TNNI3K: variants seen among roughly 807,000 people sequenced by gnomAD.
TNNI3K encodes TNNI3 interacting kinase.
A neutral mutation model predicts 114.5 loss-of-function variants in TNNI3K; 140 were observed. The observed-to-expected ratio is 1.22, with a 90% CI of 1.07 to 1.41. The LOEUF (loss-of-function observed/expected upper bound fraction) is 1.41. Ranked by LOEUF, TNNI3K falls within the 40% of genes most tolerant of loss-of-function variation. The pLI, the probability that TNNI3K is intolerant of heterozygous loss-of-function variation, is 0.00. For synonymous variants in TNNI3K, 347 were observed against 347.5 expected (o/e 1.00, Z 0.02); for missense variants, 1,125 against 1,007.6 (o/e 1.12, Z -1.58).
chr1:74,357,230 T>C (rs1243593318), intron 11 of TNNI3K, among the ~76,000 whole-genome samples: 1 of 152,130 alleles, frequency 6.6e-6, no homozygotes, highest in Non-Finnish European at 1.5e-5. Flanking sequence ...GATGTAAGAA[T>C]GGCCCCATCA....
intron 24 of TNNI3K, among the ~76,000 whole-genome samples, chr1:74,540,896 A>T (rs1189047407): frequency 6.6e-6 from 1 of 152,182 alleles, no homozygotes; most frequent in African/African-American, 2.4e-5. Flanking sequence ...GAATTAATAA[A>T]GCTCTTTGAA....
chr1:74,334,465 A>G lies in TNNI3K; in HGVS notation c.544-1546A>G, dbSNP rs149864783. ...AATTGCTATTTGAACCCTAACTGCT[A>G]TTTTAAGGATTCAGAGGCATCCTAA... is the stretch of plus-strand genomic sequence containing the variant. On this transcript the variant is annotated intron_variant, in intron 6 of 24. Coordinates refer to ENST00000326637, the MANE Select transcript of TNNI3K (RefSeq NM_015978.3). Among the ~76,000 whole-genome samples the G allele has an allele frequency of 2.3e-3, 348 of 152,276 alleles. 3 individuals are homozygous for G. The highest frequency in any genetic ancestry group is 0.016 in the East Asian group (82 of 5,176).
intron 5 of TNNI3K, among the ~76,000 whole-genome samples, chr1:74,275,196 C>T (rs45440197): frequency 1.3e-4 from 19 of 151,990 alleles, no homozygotes; most frequent in Non-Finnish European, 2.5e-4. Flanking sequence ...TACAAAAGAA[C>T]GAGATTTAAC....
In TNNI3K at chr1:74,463,789, G is replaced by T. The variant is rs555332048; in HGVS notation, c.2121+239G>T. 2.0e-5 allele frequency among the ~76,000 whole-genome samples: 3 copies of T among 152,268 alleles called. No individual in the cohort carries two copies. The South Asian group carries it at 6.2e-4, about 32-fold the overall frequency. On this transcript the variant is annotated intron_variant, in intron 21 of 24. Coordinates refer to ENST00000326637, the MANE Select transcript of TNNI3K (RefSeq NM_015978.3). ...ACTGATTAGTAAAAGAGAGACCAGG[G>T]TATGACAGATGACTCACAGTCTCAT... is the stretch of plus-strand genomic sequence containing the variant.
chr1:74,530,723 GT>G (rs34494942), intron 23 of TNNI3K, among the ~76,000 whole-genome samples: 76,427 of 142,054 alleles, frequency 0.54, 20,763 homozygotes, highest in East Asian at 0.72. Flanking sequence ...AACTCAAAAA[GT>G]TTTTTTTTTT....
chr1:74,295,234 A>G (rs1657912641), intron 5 of TNNI3K, among the ~76,000 whole-genome samples: 1 of 151,976 alleles, frequency 6.6e-6, no homozygotes, highest in Non-Finnish European at 1.5e-5. Context: ...TATAGTTTGT[A>G]TTATTGCAAT....
At chr1:74,531,959 G>T (rs982178090) in intron 23 of TNNI3K, among the ~76,000 whole-genome samples, 1 of 152,176 alleles carries the variant, frequency 6.6e-6, no homozygotes, top group African/African-American at 2.4e-5. Context: ...ATCATCCAGA[G>T]TACAGGTAGC....
intron 17 of TNNI3K, chr1:74,374,895 TACTAG>T (rs1325569501): frequency 2.0e-5 from 3 of 152,104 alleles, no homozygotes; most frequent in African/African-American, 7.2e-5. Context: ...TTTTACTTAA[TACTAG>T]AAGCTGTGTG....
chr1:74,342,199 T>A lies in TNNI3K; in HGVS notation c.683-643T>A, dbSNP rs138821460. On this transcript the variant is annotated intron_variant, in intron 7 of 24. Coordinates refer to ENST00000326637, the MANE Select transcript of TNNI3K (RefSeq NM_015978.3). Reference sequence around the variant, plus strand: ...CAGACGTGAGAAGAGGTTATAAGGCTGGGTGTTTCAACGAGAAGGACACAT... The same window carrying A: ...CAGACGTGAGAAGAGGTTATAAGGCAGGGTGTTTCAACGAGAAGGACACAT... Among the ~76,000 whole-genome samples the A allele has an allele frequency of 6.4e-4, 98 of 152,260 alleles. 3 individuals are homozygous for A. In the East Asian group the frequency reaches 0.017, roughly 27 times the overall value.
intron 23 of TNNI3K, among the ~76,000 whole-genome samples, chr1:74,497,127 C>T (rs1439520550): frequency 6.6e-6 from 1 of 152,102 alleles, no homozygotes; most frequent in African/African-American, 2.4e-5. Flanking sequence ...TTGAATATAA[C>T]TTATAAAATT....
chr1:74,387,371 A>G (rs1466647321), intron 17 of TNNI3K, among the ~76,000 whole-genome samples: 2 of 152,250 alleles, frequency 1.3e-5, no homozygotes, highest in Non-Finnish European at 2.9e-5. Context: ...GTGAAGTGCC[A>G]TGAAAATCGT....
Position 74,511,758 on chromosome 1 carries a change from C to T in TNNI3K, c.2351+19492C>T, listed in dbSNP as rs563482527. Among the ~76,000 whole-genome samples, 113 of 151,918 alleles carry T rather than the reference C, an allele frequency of 7.4e-4. 1 individual carries two copies. Among genetic ancestry groups the T allele is most frequent in the Non-Finnish European group, 2.2e-4 (15 of 68,020 alleles). On this transcript the variant is annotated intron_variant, in intron 23 of 24. Coordinates refer to ENST00000326637, the MANE Select transcript of TNNI3K (RefSeq NM_015978.3). ...TGAGCCTGAGAAGAGTCAAGGTAGG[C>T]TTCCCAAAAGCCATCCCGTTTCACT...
intron 21 of TNNI3K, among the ~76,000 whole-genome samples, chr1:74,479,377 A>T (rs917267951): frequency 3.9e-5 from 6 of 152,250 alleles, no homozygotes; most frequent in Non-Finnish European, 8.8e-5. Context: ...AATTACAAAA[A>T]ATATATAAAG....
At chr1:74,247,808 C>T (rs909291728) in intron 2 of TNNI3K, among the ~76,000 whole-genome samples, 1 of 152,206 alleles carries the variant, frequency 6.6e-6, no homozygotes, top group East Asian at 1.9e-4. Flanking sequence ...CTCCAAGTCC[C>T]CACCCAACTC....
At chr1:74,321,409 C>T (rs373013484) in intron 5 of TNNI3K, among the ~76,000 whole-genome samples, 1 of 152,026 alleles carries the variant, frequency 6.6e-6, no homozygotes, top group East Asian at 1.9e-4. Flanking sequence ...CCATAAATAT[C>T]CTACAAATAT....
chr1:74,470,879 T>C (rs2100736086), intron 21 of TNNI3K: 1 of 400,728 alleles, frequency 2.5e-6, no homozygotes, highest in African/African-American at 2.0e-5. Flanking sequence ...AACTCACTGG[T>C]CTTTGATACA....
chr1:74,264,485 T>TA (rs899877725), intron 4 of TNNI3K, among the ~76,000 whole-genome samples: 3 of 152,040 alleles, frequency 2.0e-5, no homozygotes, highest in African/African-American at 4.8e-5. Flanking sequence ...ATTACTTTTC[T>TA]AAAAAAACCT....
chr1:74,502,016 T>G (rs1669658642), intron 23 of TNNI3K, among the ~76,000 whole-genome samples: 1 of 152,164 alleles, frequency 6.6e-6, no homozygotes, highest in African/African-American at 2.4e-5. Flanking sequence ...CCTTTGAAGA[T>G]TTTGGCTTTA....
chr1:74,391,648 T>G (rs2100569720), intron 17 of TNNI3K, among the ~76,000 whole-genome samples: 1 of 152,298 alleles, frequency 6.6e-6, no homozygotes, highest in South Asian at 2.1e-4. Context: ...AGACAAATAC[T>G]TAAATTATAC....
Sources: allele counts gnomAD v4.1 joint callset (sites outside exome capture counted in the v4.1 genomes callset), GRCh38; gene constraint gnomAD v4.1.1; transcripts MANE v1.5; gene names NCBI Gene and HGNC (gene_info 2026-07-23, HGNC 2026-07-21).